Variants in ZNF354B observed in about 807,000 individuals in gnomAD.
ZNF354B encodes the protein zinc finger protein 354B.
In ZNF354B, 10 loss-of-function variants were observed where a neutral mutation model predicts 12.9. The ratio of observed to expected loss-of-function variants is 0.77; its 90% CI spans 0.48 to 1.31. The LOEUF is 1.31. ZNF354B is among the 40% of genes most tolerant of loss of function. The pLI is 0.00. For missense variants in ZNF354B, 614 were observed against 711.7 expected (o/e 0.86, Z 1.56); for synonymous variants, 260 against 243.7 (o/e 1.07, Z -0.62).
chr5:178,867,851 G>GT (rs1482262747), intron 4 of ZNF354B, among the ~76,000 whole-genome samples: 1 of 152,196 alleles, frequency 6.6e-6, no homozygotes, highest in Admixed American at 6.5e-5. Context: ...TTATTTACAT[G>GT]TAACATTTTA....
chr5:178,884,114 A>G lies in ZNF354B; in HGVS notation c.1662A>G (p.Thr554=). Residue 554 remains threonine (T), a synonymous_variant, in exon 5 of 5, where the codon ACA becomes ACG. Transcript: ENST00000322434. The stretch of plus-strand genomic sequence containing the variant: ...GAGAAAAACCCTTTAAATGTAATAC[A>G]TGTGGAAAAACTTTTAGACAAAGCT... ...HTGEKPFKCN[T]CGKTFRQSSS... The G allele has an allele frequency of 1.2e-6, 2 of 1,614,122 alleles. No individual in the cohort carries two copies. The highest frequency in any genetic ancestry group is 1.7e-6 in the Non-Finnish European group (2 of 1,179,968).
chr5:178,873,664 T>C (rs1284507281), intron 4 of ZNF354B, among the ~76,000 whole-genome samples: 1 of 152,218 alleles, frequency 6.6e-6, no homozygotes, highest in Non-Finnish European at 1.5e-5. Flanking sequence ...CAGTGTTGAT[T>C]GCTGTATATA....
intron 4 of ZNF354B, among the ~76,000 whole-genome samples, chr5:178,875,643 A>G (rs564122690): frequency 6.6e-6 from 1 of 152,306 alleles, no homozygotes; most frequent in Admixed American, 6.5e-5. Flanking sequence ...GCTACTGGGA[A>G]TCTTCAGCCG....
chr5:178,884,401 A>AT lies in ZNF354B; in HGVS notation c.*110_*111insT. On this transcript the variant is annotated 3_prime_UTR_variant, in exon 5 of 5. Coordinates refer to ENST00000322434, the MANE Select transcript of ZNF354B (RefSeq NM_058230.3). Reference sequence around the variant, plus strand: ...CATCAGATACTAAGTTTTAAGAATAAACTTTAGCTATGTAATAACTTATGG... The same window carrying AT: ...CATCAGATACTAAGTTTTAAGAATAATACTTTAGCTATGTAATAACTTATGG... 1.7e-6 allele frequency: 2 copies of AT among 1,191,708 alleles called. No homozygotes were observed. Among genetic ancestry groups the AT allele is most frequent in the Admixed American group, 5.9e-5 (2 of 33,990 alleles). 73.8% of individuals were successfully genotyped at this position (1,191,708 alleles called of 1,614,324 possible).
intron 4 of ZNF354B, among the ~76,000 whole-genome samples, chr5:178,880,502 C>CTTT (rs567348591): frequency 7.2e-6 from 1 of 138,508 alleles, no homozygotes. Flanking sequence ...CCGGCCTCCT[C>CTTT]TTTTTTTTTT....
At chr5:178,862,939 G>A (rs1449008561) in intron 2 of ZNF354B, among the ~76,000 whole-genome samples, 1 of 152,184 alleles carries the variant, frequency 6.6e-6, no homozygotes, top group East Asian at 1.9e-4. Context: ...ACCAGAGAGT[G>A]CAGAGTTCAC....
intron 4 of ZNF354B, among the ~76,000 whole-genome samples, chr5:178,876,481 A>C (rs922329091): frequency 6.6e-6 from 1 of 152,226 alleles, no homozygotes; most frequent in Non-Finnish European, 1.5e-5. Context: ...GAGCCTAGGC[A>C]GGGCTGGTGT....
intron 4 of ZNF354B, among the ~76,000 whole-genome samples, chr5:178,867,520 CAT>C (rs1034681613): frequency 3.3e-5 from 5 of 152,142 alleles, no homozygotes; most frequent in African/African-American, 1.2e-4. Context: ...GGGCAGGAAT[CAT>C]ATGGTCCTTG....
At chr5:178,863,986 G>A (rs1355363152) in intron 2 of ZNF354B, among the ~76,000 whole-genome samples, 3 of 152,192 alleles carry the variant, frequency 2.0e-5, no homozygotes, top group Admixed American at 2.0e-4. Flanking sequence ...TACTACAAAA[G>A]AGTCAAAGTT....
chr5:178,861,551 G>A (rs1757348268), intron 2 of ZNF354B, among the ~76,000 whole-genome samples: 1 of 152,166 alleles, frequency 6.6e-6, no homozygotes, highest in African/African-American at 2.4e-5. Flanking sequence ...TTGTATCACT[G>A]TCTTGAAATC....
intron 2 of ZNF354B, among the ~76,000 whole-genome samples, chr5:178,861,477 G>A (rs1757347336): frequency 6.6e-6 from 1 of 152,142 alleles, no homozygotes; most frequent in South Asian, 2.1e-4. Context: ...CCCTTCCCCA[G>A]GCTTCTCCAA....
Position 178,884,030 on chromosome 5 carries a change from A to G in ZNF354B, c.1578A>G (p.Glu526=). 1 of 1,614,130 alleles carries G rather than the reference A, an allele frequency of 6.2e-7. No homozygotes were observed. The highest frequency in any genetic ancestry group is 8.5e-7 in the Non-Finnish European group (1 of 1,179,990). The stretch of plus-strand genomic sequence containing the variant: ...GAGAGAAACCATATCGATGTTTAGA[A>G]TGTGGGATGTCTTTTGGCCAAAGTG... ...HTGEKPYRCL[E]CGMSFGQSAA... Residue 526 remains glutamate, a synonymous_variant, in exon 5 of 5, where the codon GAA becomes GAG. Transcript: ENST00000322434.
intron 2 of ZNF354B, among the ~76,000 whole-genome samples, chr5:178,864,115 C>T (rs565464055): frequency 6.6e-6 from 1 of 152,312 alleles, no homozygotes; most frequent in African/African-American, 2.4e-5. Context: ...AAAATGTCTA[C>T]AGTCATGCAC....
intron 4 of ZNF354B, among the ~76,000 whole-genome samples, chr5:178,873,618 A>G (rs997650007): frequency 1.3e-5 from 2 of 151,908 alleles, no homozygotes; most frequent in African/African-American, 2.4e-5. Context: ...TTTCTGTTCC[A>G]TTGTTCTGTG....
chr5:178,861,411 C>G (rs1757346249), intron 2 of ZNF354B, among the ~76,000 whole-genome samples: 1 of 152,228 alleles, frequency 6.6e-6, no homozygotes, highest in Admixed American at 6.5e-5. Context: ...GTCTCCGTTC[C>G]TGTCCTTCGC....
At chr5:178,869,311 G>A (rs554991374) in intron 4 of ZNF354B, among the ~76,000 whole-genome samples, 2 of 152,218 alleles carry the variant, frequency 1.3e-5, no homozygotes, top group African/African-American at 2.4e-5. Context: ...GAGCTTTCTC[G>A]TGATGATAGC....
intron 3 of ZNF354B, 145 bp downstream of exon 3, chr5:178,866,515 T>A (rs78981664): frequency 0.12 from 149,442 of 1,288,012 alleles, 10,098 homozygotes; most frequent in African/African-American, 0.25. Flanking sequence ...TAAACATTGA[T>A]AACTTAACTT....
chr5:178,871,223 C>G (rs1208746947), intron 4 of ZNF354B, among the ~76,000 whole-genome samples: 1 of 152,224 alleles, frequency 6.6e-6, no homozygotes, highest in Non-Finnish European at 1.5e-5. Flanking sequence ...TCACCCTTAG[C>G]TCCTTCCACT....
intron 4 of ZNF354B, among the ~76,000 whole-genome samples, chr5:178,869,304 CT>C (rs1353604027): frequency 2.6e-5 from 4 of 152,162 alleles, no homozygotes; most frequent in Non-Finnish European, 1.5e-5. Context: ...CTGGGGAGAG[CT>C]TTCTCGTGAT....
Sources: gnomAD v4.1 joint callset for allele counts (sites outside exome capture counted in the v4.1 genomes callset) on GRCh38, gnomAD v4.1.1 for gene constraint, MANE v1.5 for transcripts, NCBI Gene and HGNC (gene_info 2026-07-23, HGNC 2026-07-21) for gene names.